Variants in GUCY2C observed in about 807,000 individuals in gnomAD.
GUCY2C encodes guanylate cyclase 2C, also known as guanylyl cyclase C.
In GUCY2C, 118 loss-of-function variants were observed where a neutral mutation model predicts 131.1. The observed-to-expected ratio is 0.90, with a 90% CI of 0.78 to 1.05. The LOEUF (loss-of-function observed/expected upper bound fraction) is 1.05. Among genes scored for constraint, GUCY2C ranks in the 50% least tolerant of loss-of-function variants. The pLI is 0.00. For missense variants in GUCY2C, 1,161 were observed against 1,304.4 expected, an observed-to-expected ratio of 0.89 and a Z score of 1.69; for synonymous variants, 452 against 457.8, an observed-to-expected ratio of 0.99 and a Z score of 0.16.
chr12:14,640,833 A>G (rs1947385283), intron 18 of GUCY2C, among the ~76,000 whole-genome samples: 2 of 152,256 alleles, frequency 1.3e-5, no homozygotes, highest in African/African-American at 4.8e-5. Flanking sequence ...GGACAATTGT[A>G]AACGAAGATT....
At chr12:14,618,875 C>T (rs1946833544) in intron 24 of GUCY2C, among the ~76,000 whole-genome samples, 2 of 152,118 alleles carry the variant, frequency 1.3e-5, no homozygotes, top group Admixed American at 6.6e-5. Context: ...TAGTTCTTAC[C>T]TTGCCTACTG....
chr12:14,650,575 T>G lies in GUCY2C; in HGVS notation c.1710+832A>C, dbSNP rs554131617. Among the ~76,000 whole-genome samples the G allele has an allele frequency of 2.1e-3, 320 of 152,278 alleles. 2 individuals carry two copies. The highest frequency in any genetic ancestry group is 7.3e-3 in the African/African-American group (302 of 41,548). On this transcript the variant is annotated intron_variant, in intron 15 of 26. Transcript: ENST00000261170. Reference sequence around the variant, plus strand: ...TTATTATTTTTTAAGAACTTTTACCTTAGCACCATTTTCCTCTGTGATCTT... The same window carrying G: ...TTATTATTTTTTAAGAACTTTTACCGTAGCACCATTTTCCTCTGTGATCTT...
chr12:14,645,657 A>G (rs1295969218), intron 15 of GUCY2C, among the ~76,000 whole-genome samples: 1 of 152,188 alleles, frequency 6.6e-6, no homozygotes, highest in Non-Finnish European at 1.5e-5. Flanking sequence ...CCCATGTTTT[A>G]AAACAGGCAA....
intron 20 of GUCY2C, among the ~76,000 whole-genome samples, chr12:14,626,496 A>G (rs1362079223): frequency 6.6e-6 from 1 of 152,236 alleles, no homozygotes; most frequent in African/African-American, 2.4e-5. Context: ...TTAAGAATGC[A>G]TATACCAATC....
intron 19 of GUCY2C, among the ~76,000 whole-genome samples, chr12:14,635,773 A>C (rs972393890): frequency 2.0e-5 from 3 of 152,186 alleles, no homozygotes; most frequent in Non-Finnish European, 4.4e-5. Context: ...AGAAAAAGAC[A>C]TAAAAACCAA....
chr12:14,667,999 C>CTTTT (rs11355096), intron 10 of GUCY2C, among the ~76,000 whole-genome samples: 7 of 76,502 alleles, frequency 9.2e-5, no homozygotes, highest in East Asian at 3.6e-4. Flanking sequence ...TAATAATTTT[C>CTTTT]TTTTTTTTTT....
chr12:14,647,743 T>C (rs1324796282), intron 15 of GUCY2C, among the ~76,000 whole-genome samples: 1 of 152,104 alleles, frequency 6.6e-6, no homozygotes, highest in Non-Finnish European at 1.5e-5. Flanking sequence ...TATTTTCAAA[T>C]AAATATTTTT....
intron 10 of GUCY2C, among the ~76,000 whole-genome samples, chr12:14,663,427 G>A (rs1284531083): frequency 3.3e-5 from 5 of 152,180 alleles, no homozygotes; most frequent in Admixed American, 6.5e-5. Flanking sequence ...GATTACAGGC[G>A]CACGCCACCA....
At chr12:14,614,823 G>T in intron 26 of GUCY2C, 44 bp downstream of exon 26, 1 of 1,224,836 alleles carries the variant, frequency 8.2e-7, no homozygotes, top group Non-Finnish European at 1.2e-6. Flanking sequence ...ACAAAGCCAA[G>T]ATCTCTAATT....
chr12:14,635,010 A>G (rs953605225), intron 19 of GUCY2C, among the ~76,000 whole-genome samples: 29 of 152,238 alleles, frequency 1.9e-4, no homozygotes, highest in African/African-American at 7.0e-4. Flanking sequence ...TTCCAATCTA[A>G]TAATAGTTGG....
chr12:14,632,370 A>T (rs1038204777), intron 19 of GUCY2C, among the ~76,000 whole-genome samples: 2 of 152,182 alleles, frequency 1.3e-5, no homozygotes, highest in East Asian at 3.8e-4. Flanking sequence ...GGTAAAGATC[A>T]TAAATATCTT....
intron 3 of GUCY2C, among the ~76,000 whole-genome samples, chr12:14,684,601 C>CT (rs1565635480): frequency 0.31 from 639 of 2,074 alleles, 76 homozygotes; most frequent in South Asian, 0.46. Context: ...TCCTTCCTTC[C>CT]TTCCTTCCTT....
intron 24 of GUCY2C, among the ~76,000 whole-genome samples, chr12:14,617,032 C>G (rs1946778902): frequency 6.6e-6 from 1 of 152,118 alleles, no homozygotes; most frequent in South Asian, 2.1e-4. Context: ...CTTTGCGATA[C>G]TGAGTTGTCA....
chr12:14,676,471 T>C (rs1396175452), intron 7 of GUCY2C, among the ~76,000 whole-genome samples: 1 of 152,238 alleles, frequency 6.6e-6, no homozygotes, highest in Non-Finnish European at 1.5e-5. Context: ...CTTTAGGACA[T>C]AGGGAACTTT....
intron 6 of GUCY2C, among the ~76,000 whole-genome samples, chr12:14,678,033 C>T (rs962501712): frequency 6.6e-6 from 1 of 152,154 alleles, no homozygotes; most frequent in African/African-American, 2.4e-5. Context: ...CTAGGCTGGT[C>T]TTGAACTCCT....
intron 11 of GUCY2C, among the ~76,000 whole-genome samples, chr12:14,658,114 T>C (rs953279023): frequency 3.9e-5 from 6 of 152,326 alleles, no homozygotes; most frequent in South Asian, 2.1e-4. Flanking sequence ...CTCAGAATTA[T>C]ATAGAATTAT....
At chr12:14,616,793 C>T in intron 24 of GUCY2C, 66 bp from the exon 25 acceptor site, 1 of 881,768 alleles carries the variant, frequency 1.1e-6, no homozygotes, top group East Asian at 2.4e-5. Flanking sequence ...CCCGTTGATT[C>T]AGGATATCAA....
At chr12:14,621,319 C>T in intron 22 of GUCY2C, 103 bp from the exon 23 acceptor site, 1 of 954,864 alleles carries the variant, frequency 1.0e-6, no homozygotes, top group Non-Finnish European at 1.6e-6. Context: ...GATTTGGGAA[C>T]ACAGTATGAG....
chr12:14,695,754 A>G (rs1242741871), intron 1 of GUCY2C, among the ~76,000 whole-genome samples: 2 of 152,090 alleles, frequency 1.3e-5, no homozygotes, highest in African/African-American at 4.8e-5. Context: ...TCTAGACCAA[A>G]TCTTACCTCT....
Sources: gnomAD v4.1 joint callset for allele counts (sites outside exome capture counted in the v4.1 genomes callset) on GRCh38, gnomAD v4.1.1 for gene constraint, MANE v1.5 for transcripts, NCBI Gene and HGNC (gene_info 2026-07-23, HGNC 2026-07-21) for gene names.